SLC25A26: variants seen among roughly 807,000 people sequenced by gnomAD.
SLC25A26 encodes mitochondrial S-adenosylmethionine carrier protein.
In SLC25A26, 36 loss-of-function variants were observed where a neutral mutation model predicts 37.8. The observed-to-expected ratio is 0.95, with a 90% CI of 0.73 to 1.26. The LOEUF (loss-of-function observed/expected upper bound fraction) is 1.26, where lower values mean the gene tolerates loss of function less well. SLC25A26 is among the 50% of genes most tolerant of loss of function. SLC25A26 has a pLI of 0.00. For synonymous variants in SLC25A26, 129 were observed against 122.5 expected (o/e 1.05, Z -0.35); for missense variants, 390 against 331.1 (o/e 1.18, Z -1.38).
At chr3:66,333,795 A>G (rs922131992) in intron 5 of SLC25A26, among the ~76,000 whole-genome samples, 3 of 152,112 alleles carry the variant, frequency 2.0e-5, no homozygotes, top group South Asian at 2.1e-4. Flanking sequence ...CTAGGGTTCA[A>G]AGAGGCTTGT....
At chr3:66,237,750 C>G (rs2072364169) in intron 2 of SLC25A26, among the ~76,000 whole-genome samples, 1 of 152,102 alleles carries the variant, frequency 6.6e-6, no homozygotes, top group Non-Finnish European at 1.5e-5. Context: ...TAAACTAAAG[C>G]AACAAAACAA....
chr3:66,220,373 G>C (rs1330452165), upstream of SLC25A26, among the ~76,000 whole-genome samples: 2 of 152,176 alleles, frequency 1.3e-5, no homozygotes, highest in Non-Finnish European at 2.9e-5. Context: ...TCCACTCCAA[G>C]AAATGTTATT....
At chr3:66,287,078 C>G (rs973067298) in intron 5 of SLC25A26, among the ~76,000 whole-genome samples, 1 of 152,088 alleles carries the variant, frequency 6.6e-6, no homozygotes, top group Non-Finnish European at 1.5e-5. Context: ...GGGCAGATCA[C>G]GAGGTCAGGA....
chr3:66,193,689 A>C (rs2070988467), intron 1 of SLC25A26, among the ~76,000 whole-genome samples: 1 of 152,186 alleles, frequency 6.6e-6, no homozygotes, highest in African/African-American at 2.4e-5. Flanking sequence ...TAAATGACAA[A>C]TTAAAGAACT....
At chr3:66,287,426 C>G in intron 5 of SLC25A26, among the ~76,000 whole-genome samples, 1 of 151,778 alleles carries the variant, frequency 6.6e-6, no homozygotes, top group South Asian at 2.1e-4. Context: ...TTCAATAATT[C>G]GGTATCTTTC....
chr3:66,373,658 C>T (rs1444629088), intron 9 of SLC25A26, among the ~76,000 whole-genome samples: 1 of 148,010 alleles, frequency 6.8e-6, no homozygotes, highest in Non-Finnish European at 1.5e-5. Context: ...TCACCACCCA[C>T]CCTTTGCATG....
chr3:66,216,016 T>C (rs2071355588), upstream of SLC25A26, among the ~76,000 whole-genome samples: 1 of 152,162 alleles, frequency 6.6e-6, no homozygotes. Flanking sequence ...CGTGCTCAGG[T>C]GGCAAAAGGT....
At chr3:66,364,383 A>T (rs1168166715) in intron 7 of SLC25A26, among the ~76,000 whole-genome samples, 1 of 152,106 alleles carries the variant, frequency 6.6e-6, no homozygotes, top group Non-Finnish European at 1.5e-5. Context: ...AGTTAAGGTG[A>T]CTCACCTGGG....
intron 1 of SLC25A26, among the ~76,000 whole-genome samples, chr3:66,184,550 C>T (rs1303112063): frequency 1.9e-5 from 1 of 52,000 alleles, no homozygotes; most frequent in Non-Finnish European, 4.0e-5. Flanking sequence ...GGGCCAGACA[C>T]TCATCCTCAT....
At chr3:66,317,127 G>A (rs999212499) in intron 5 of SLC25A26, among the ~76,000 whole-genome samples, 1 of 152,058 alleles carries the variant, frequency 6.6e-6, no homozygotes, top group East Asian at 1.9e-4. Flanking sequence ...CTCAAGCCTC[G>A]GCCCAGTTCT....
chr3:66,167,924 C>T (rs1003031958), intron 1 of SLC25A26, among the ~76,000 whole-genome samples: 2 of 151,846 alleles, frequency 1.3e-5, no homozygotes, highest in Admixed American at 6.6e-5. Flanking sequence ...GAGGCCGAGG[C>T]GGGCGGATCA....
chr3:66,346,484 AC>A, intron 6 of SLC25A26, 76 bp downstream of exon 6: 9 of 768,258 alleles, frequency 1.2e-5, no homozygotes, highest in Non-Finnish European at 1.8e-5. Context: ...GAAGAGTAGA[AC>A]ATAATGTTGA....
chr3:66,360,865 A>G (rs1057032798), intron 6 of SLC25A26, among the ~76,000 whole-genome samples: 1 of 152,254 alleles, frequency 6.6e-6, no homozygotes, highest in African/African-American at 2.4e-5. Context: ...TCCCAATCAC[A>G]GTCTTAGCAG....
intron 9 of SLC25A26, among the ~76,000 whole-genome samples, 199 bp from the exon 10 acceptor site, chr3:66,377,491 C>T (rs1700738189): frequency 6.6e-6 from 1 of 151,762 alleles, no homozygotes; most frequent in Non-Finnish European, 1.5e-5. Context: ...TTTCATGTTT[C>T]AAAGGGAAAA....
chr3:66,301,208 A>G (rs1448398046), intron 5 of SLC25A26, among the ~76,000 whole-genome samples: 3 of 152,216 alleles, frequency 2.0e-5, no homozygotes, highest in Non-Finnish European at 4.4e-5. Context: ...CCCTGAATTT[A>G]TTATAGCAAT....
chr3:66,356,177 AAAAC>A (rs2076571128), intron 6 of SLC25A26: 1 of 437,346 alleles, frequency 2.3e-6, no homozygotes, highest in Admixed American at 2.6e-5. Flanking sequence ...TTAAAAGTGA[AAAAC>A]AAAGCCTTCT....
intron 3 of SLC25A26, 98 bp downstream of exon 3, chr3:66,243,410 A>T (rs1576696114): frequency 4.9e-6 from 3 of 615,984 alleles, no homozygotes; most frequent in East Asian, 5.8e-5. Flanking sequence ...TTATTTTTAA[A>T]TTATGAAAGT....
chr3:66,207,193 C>T (rs1453537446), intron 1 of SLC25A26, among the ~76,000 whole-genome samples: 1 of 152,084 alleles, frequency 6.6e-6, no homozygotes, highest in East Asian at 1.9e-4. Context: ...CAAGTACCCG[C>T]CTCACCTACG....
chr3:66,162,504 T>G (rs1173982011), intron 1 of SLC25A26, among the ~76,000 whole-genome samples: 2 of 152,128 alleles, frequency 1.3e-5, no homozygotes, highest in Non-Finnish European at 2.9e-5. Flanking sequence ...AAGTGGTCCA[T>G]GCAGCAAACT....
Sources: allele counts gnomAD v4.1 joint callset (sites outside exome capture counted in the v4.1 genomes callset), GRCh38; gene constraint gnomAD v4.1.1; transcripts MANE v1.5; gene names NCBI Gene and HGNC (gene_info 2026-07-23, HGNC 2026-07-21).